Variants in DNAH11 observed in about 807,000 individuals in gnomAD.
The protein encoded by DNAH11 is dynein axonemal heavy chain 11.
A neutral mutation model predicts 526.0 loss-of-function variants in DNAH11; 442 were observed. The ratio of observed to expected loss-of-function variants is 0.84; its 90% confidence interval spans 0.78 to 0.91. The LOEUF is 0.91. DNAH11 is among the 40% of genes least tolerant of loss of function. The pLI is 0.00. For synonymous variants in DNAH11, 2,461 were observed against 1,935.9 expected, an observed-to-expected ratio of 1.27 and a Z score of -7.12; for missense variants, 6,989 against 5,448.7, an observed-to-expected ratio of 1.28 and a Z score of -8.90.
chr7:21,604,039 C>T (rs572344105), intron 18 of DNAH11, among the ~76,000 whole-genome samples: 4 of 152,196 alleles, frequency 2.6e-5, no homozygotes, highest in African/African-American at 7.2e-5. Context: ...TGGAGGGTAA[C>T]GAGGCCCAAT....
intron 45 of DNAH11, among the ~76,000 whole-genome samples, chr7:21,727,530 C>G (rs2965384): frequency 0.6 from 91,130 of 152,064 alleles, 27,440 homozygotes; most frequent in South Asian, 0.71. Flanking sequence ...TTCACTGTTT[C>G]TTTTCATAGA....
intron 28 of DNAH11, among the ~76,000 whole-genome samples, chr7:21,655,507 G>A (rs1781974620): frequency 6.6e-6 from 1 of 152,032 alleles, no homozygotes; most frequent in Non-Finnish European, 1.5e-5. Flanking sequence ...TACTACAGAA[G>A]CCCCAGTAGG....
intron 18 of DNAH11, among the ~76,000 whole-genome samples, chr7:21,605,663 G>C (rs11976890): frequency 6.6e-6 from 1 of 152,150 alleles, no homozygotes; most frequent in Non-Finnish European, 1.5e-5. Flanking sequence ...AGCCGAGGAT[G>C]AGATTGATTC....
intron 76 of DNAH11, among the ~76,000 whole-genome samples, chr7:21,891,938 T>A (rs901277696): frequency 6.6e-6 from 1 of 152,204 alleles, no homozygotes; most frequent in African/African-American, 2.4e-5. Context: ...TATAAAATGA[T>A]GTGATGCAGT....
At chr7:21,871,103 A>G (rs1347425543) in intron 73 of DNAH11, among the ~76,000 whole-genome samples, 2 of 152,250 alleles carry the variant, frequency 1.3e-5, no homozygotes, top group African/African-American at 2.4e-5. Flanking sequence ...AATGTGATCA[A>G]TTATTATGAT....
At chr7:21,711,905 T>G (rs376699000) in intron 42 of DNAH11, 45 bp downstream of exon 42, 171 of 1,555,958 alleles carry the variant, frequency 1.1e-4, no homozygotes, top group Non-Finnish European at 1.4e-4. Context: ...GTATGTAACA[T>G]AACATTTACC....
chr7:21,548,710 C>T (rs1782902408), intron 2 of DNAH11, among the ~76,000 whole-genome samples: 1 of 152,118 alleles, frequency 6.6e-6, no homozygotes, highest in African/African-American at 2.4e-5. Context: ...ATTGCCATTG[C>T]CTGACTCACT....
At chr7:21,694,045 G>A (rs1334488867) in intron 35 of DNAH11, among the ~76,000 whole-genome samples, 1 of 152,036 alleles carries the variant, frequency 6.6e-6, no homozygotes, top group Non-Finnish European at 1.5e-5. Flanking sequence ...TGAAGAATGG[G>A]GAAAATCTGC....
At chr7:21,546,204 T>C (rs1390581642) in intron 2 of DNAH11, among the ~76,000 whole-genome samples, 3 of 131,410 alleles carry the variant, frequency 2.3e-5, no homozygotes, top group Non-Finnish European at 3.2e-5. Context: ...TTTTTGAGTC[T>C]CTTCTTCTGT....
At chr7:21,739,026 T>C (rs1785748688) in intron 47 of DNAH11, among the ~76,000 whole-genome samples, 160 bp downstream of exon 47, 1 of 152,222 alleles carries the variant, frequency 6.6e-6, no homozygotes, top group South Asian at 2.1e-4. Flanking sequence ...GAATATCTTT[T>C]GGGTTTGCTT....
In DNAH11 at chr7:21,784,492, T is replaced by C; in HGVS notation, c.9549T>C (p.Ala3183=). ...QRECEADLLK[A]EPALVAATAA... ...AATGTGAAGCTGACTTACTCAAGGC[T>C]GAGCCTGCACTGGTGGCTGCTACAG... The change falls in exon 58 of 82, where the codon GCT becomes GCC. Residue 3183 remains alanine, a synonymous_variant. Coordinates refer to ENST00000409508, the MANE Select transcript of DNAH11 (RefSeq NM_001277115.2). 1.2e-6 allele frequency: 2 copies of C among 1,613,492 alleles called. No individual in the cohort carries two copies. Among genetic ancestry groups the C allele is most frequent in the Non-Finnish European group, 1.7e-6 (2 of 1,179,608 alleles).
In DNAH11 at chr7:21,803,932, G is replaced by A. The variant is rs1320102616; in HGVS notation, c.10165+2657G>A. 3.3e-5 allele frequency among the ~76,000 whole-genome samples: 5 copies of A among 152,200 alleles called. No individual in the cohort carries two copies. In the East Asian group the frequency reaches 9.6e-4, roughly 29 times the overall value. On this transcript the variant is annotated intron_variant, in intron 62 of 81. Transcript: ENST00000409508. ...TGAAGTCTGGAAAAGTGGGGAATGG[G>A]GCTGTCATCATTGGCTTAGCAAGCC...
intron 54 of DNAH11, among the ~76,000 whole-genome samples, chr7:21,756,088 G>A (rs1278093347): frequency 6.6e-6 from 1 of 151,636 alleles, no homozygotes; most frequent in Non-Finnish European, 1.5e-5. Flanking sequence ...TTTATTTTAT[G>A]GCTTTCATGT....
rs980269232 is a variant in DNAH11 at position 21,570,413 on chromosome 7, C to G, written c.1425+114C>G. On this transcript the variant is annotated intron_variant, in intron 7 of 81. Coordinates refer to ENST00000409508, the MANE Select transcript of DNAH11 (RefSeq NM_001277115.2). ...TATATCATAGGTGGAGGTCTCCTTT[C>G]TCAGTGATTCTCATAAGGAGCTCAG... 6.2e-6 allele frequency: 5 copies of G among 802,548 alleles called. No homozygotes were observed. The African/African-American group carries it at 8.7e-5, about 14-fold the overall frequency. 49.7% of individuals were successfully genotyped at this position (802,548 alleles called of 1,614,324 possible).
rs956429816 is a variant in DNAH11 at position 21,789,207 on chromosome 7, C to T, written c.9925-34C>T. The T allele has an allele frequency of 4.9e-6, 7 of 1,426,498 alleles. No homozygotes were observed. In the South Asian group the frequency reaches 7.4e-5, roughly 15 times the overall value. The allele number at this position is 1,426,498 out of a possible 1,614,324, so 88.4% of individuals were successfully genotyped here. A position where few individuals can be genotyped will look rare whatever the true frequency, so the allele number is the denominator to read the frequency against. ...ATCTGGGATTGAATGATTACTTATC[C>T]TCTTTGTATCTGTATTAATTCATGA... On this transcript the variant is annotated intron_variant, in intron 60 of 81. Coordinates refer to ENST00000409508, the MANE Select transcript of DNAH11 (RefSeq NM_001277115.2).
At chr7:21,670,510 T>C (rs1261023302) in intron 30 of DNAH11, among the ~76,000 whole-genome samples, 2 of 152,142 alleles carry the variant, frequency 1.3e-5, no homozygotes, top group Admixed American at 6.5e-5. Context: ...TTCCATTCTT[T>C]TTCTTTTTGT....
intron 76 of DNAH11, among the ~76,000 whole-genome samples, chr7:21,888,104 T>TC (rs1226348237): frequency 6.6e-6 from 1 of 152,194 alleles, no homozygotes; most frequent in Non-Finnish European, 1.5e-5. Flanking sequence ...GTGCATGGCT[T>TC]CCCTGTGCCT....
intron 20 of DNAH11, among the ~76,000 whole-genome samples, chr7:21,610,373 G>T (rs373456486): frequency 1.3e-5 from 2 of 152,168 alleles, no homozygotes; most frequent in South Asian, 4.1e-4. Flanking sequence ...TTCTAAGACA[G>T]GAAATTGAAA....
chr7:21,801,235 C>G lies in DNAH11; in HGVS notation c.10125C>G (p.Thr3375=), dbSNP rs192345130. Residue 3375 remains threonine (T), a synonymous_variant, in exon 62 of 82, where the codon ACC becomes ACG. Coordinates refer to ENST00000409508, the MANE Select transcript of DNAH11 (RefSeq NM_001277115.2). ...AAGAGGTGAACCAAACCAACAAAACCATCAAATTAGCTAACAGACTTGTCA... is the reference window on the plus strand; with the variant it reads ...AAGAGGTGAACCAAACCAACAAAACGATCAAATTAGCTAACAGACTTGTCA... ...CQEEVNQTNK[T]IKLANRLVKE... 122 of 1,613,832 alleles carry G rather than the reference C, an allele frequency of 7.6e-5. No homozygotes were observed. The highest frequency in any genetic ancestry group is 4.9e-4 in the Middle Eastern group (3 of 6,062).
Sources: gnomAD v4.1 joint callset for allele counts (sites outside exome capture counted in the v4.1 genomes callset) on GRCh38, gnomAD v4.1.1 for gene constraint, MANE v1.5 for transcripts, NCBI Gene and HGNC (gene_info 2026-07-23, HGNC 2026-07-21) for gene names.